Variants in ZBTB20 observed in about 807,000 individuals in gnomAD.
ZBTB20 encodes the protein zinc finger and BTB domain containing 20, also known as zinc finger and BTB domain-containing protein 20.
A neutral mutation model predicts 56.9 loss-of-function variants in ZBTB20; 9 were observed. The ratio of observed to expected loss-of-function variants is 0.16; its 90% CI spans 0.10 to 0.28. ZBTB20 has a LOEUF of 0.28. ZBTB20 is among the 10% of genes least tolerant of loss of function. The pLI, the probability that ZBTB20 is intolerant of heterozygous loss-of-function variation, is 1.00. For missense variants in ZBTB20, 655 were observed against 1,003.0 expected, an observed-to-expected ratio of 0.65 and a Z score of 4.69; for synonymous variants, 417 against 420.7, an observed-to-expected ratio of 0.99 and a Z score of 0.11.
At chr3:114,407,037 T>C (rs1171711858) in intron 7 of ZBTB20, among the ~76,000 whole-genome samples, 1 of 152,192 alleles carries the variant, frequency 6.6e-6, no homozygotes, top group African/African-American at 2.4e-5. Context: ...TGGTGAGAAC[T>C]GGCCTCATCC....
At chr3:114,767,671 A>T (rs2068877785) in intron 5 of ZBTB20, among the ~76,000 whole-genome samples, 1 of 151,998 alleles carries the variant, frequency 6.6e-6, no homozygotes. Flanking sequence ...AGGTAAAGCC[A>T]TTATAGAGGT....
intron 5 of ZBTB20, among the ~76,000 whole-genome samples, chr3:114,769,467 T>C (rs1354468633): frequency 6.7e-6 from 1 of 149,872 alleles, no homozygotes; most frequent in Non-Finnish European, 1.5e-5. Flanking sequence ...TATTTGCACC[T>C]GGTAAATAGA....
At chr3:114,372,517 A>T (rs1324824733) in intron 10 of ZBTB20, among the ~76,000 whole-genome samples, 1 of 152,200 alleles carries the variant, frequency 6.6e-6, no homozygotes, top group East Asian at 1.9e-4. Context: ...GGCTCCATGA[A>T]TGAACTTTTC....
intron 7 of ZBTB20, among the ~76,000 whole-genome samples, chr3:114,470,573 TAA>T (rs2109250131): frequency 6.6e-6 from 1 of 152,276 alleles, no homozygotes; most frequent in South Asian, 2.1e-4. Flanking sequence ...CTAATCTTCA[TAA>T]TAAGTCTACA....
intron 3 of ZBTB20, among the ~76,000 whole-genome samples, chr3:114,920,874 C>T (rs550997745): frequency 4.0e-5 from 6 of 151,760 alleles, no homozygotes; most frequent in South Asian, 2.1e-4. Flanking sequence ...AAAGAAGACT[C>T]GAATTTAAAA....
chr3:115,024,318 G>GGGAGAAACAT (rs1196845329), intron 2 of ZBTB20, among the ~76,000 whole-genome samples: 27 of 151,078 alleles, frequency 1.8e-4, no homozygotes, highest in African/African-American at 5.8e-4. Flanking sequence ...TGACACGGAA[G>GGGAGAAACAT]AGCTTACAAC....
At chr3:114,974,079 A>T (rs1362972488) in intron 3 of ZBTB20, among the ~76,000 whole-genome samples, 1 of 151,848 alleles carries the variant, frequency 6.6e-6, no homozygotes, top group Non-Finnish European at 1.5e-5. Flanking sequence ...AAAAAAAAAA[A>T]AGGAGGACAG....
At chr3:114,354,451 T>G (rs1438242536) in intron 10 of ZBTB20, among the ~76,000 whole-genome samples, 2 of 152,236 alleles carry the variant, frequency 1.3e-5, no homozygotes, top group Non-Finnish European at 2.9e-5. Flanking sequence ...AGTAGCCCTA[T>G]CACAATTATC....
chr3:114,648,406 T>A (rs1222037939), intron 6 of ZBTB20, among the ~76,000 whole-genome samples: 1 of 151,936 alleles, frequency 6.6e-6, no homozygotes, highest in African/African-American at 2.4e-5. Context: ...CGAGAAGACA[T>A]AATAATCTTT....
intron 4 of ZBTB20, among the ~76,000 whole-genome samples, chr3:114,894,061 C>A (rs1164082394): frequency 2.0e-5 from 3 of 152,064 alleles, no homozygotes; most frequent in Non-Finnish European, 4.4e-5. Flanking sequence ...AACACAAAAA[C>A]CTTAAATGTT....
intron 4 of ZBTB20, among the ~76,000 whole-genome samples, chr3:114,859,372 T>C (rs1368242310): frequency 7.3e-5 from 11 of 150,570 alleles, no homozygotes; most frequent in South Asian, 4.2e-4. Context: ...CTCCTTCCTT[T>C]CTTCCTTCCT....
chr3:114,760,460 A>G (rs780386179), intron 5 of ZBTB20, among the ~76,000 whole-genome samples: 22 of 152,186 alleles, frequency 1.4e-4, no homozygotes. Context: ...TAGAAGTACC[A>G]GTGGTGAGAA....
chr3:114,408,767 A>G (rs944911706), intron 7 of ZBTB20, among the ~76,000 whole-genome samples: 1 of 141,658 alleles, frequency 7.1e-6, no homozygotes, highest in African/African-American at 2.9e-5. Context: ...ACATTTATAT[A>G]CTTTTTCTTT....
At chr3:115,026,089 T>C (rs2080410766) in intron 2 of ZBTB20, among the ~76,000 whole-genome samples, 1 of 150,974 alleles carries the variant, frequency 6.6e-6, no homozygotes, top group Non-Finnish European at 1.5e-5. Context: ...CAACATTTAA[T>C]GAGAGACACT....
chr3:114,499,351 C>A (rs1270618168), intron 7 of ZBTB20, among the ~76,000 whole-genome samples: 2 of 152,182 alleles, frequency 1.3e-5, no homozygotes, highest in Admixed American at 6.5e-5. Flanking sequence ...TTGCCACTAT[C>A]TTCTAGGAAT....
At chr3:114,540,003 A>G (rs1274542203) in intron 6 of ZBTB20, among the ~76,000 whole-genome samples, 1 of 150,990 alleles carries the variant, frequency 6.6e-6, no homozygotes, top group Non-Finnish European at 1.5e-5. Flanking sequence ...AGATTATTTT[A>G]TCAATGAAGT....
chr3:114,702,940 G>C (rs2063485628), intron 5 of ZBTB20, among the ~76,000 whole-genome samples: 1 of 150,392 alleles, frequency 6.6e-6, no homozygotes, highest in African/African-American at 2.5e-5. Context: ...AAATTGAAAA[G>C]TATACTCCAT....
chr3:114,877,865 A>G (rs1372230128), intron 4 of ZBTB20, among the ~76,000 whole-genome samples: 1 of 152,126 alleles, frequency 6.6e-6, no homozygotes, highest in Non-Finnish European at 1.5e-5. Flanking sequence ...ATACAATTTA[A>G]CTGCTAGCTT....
chr3:114,549,295 G>T (rs2050266853), intron 6 of ZBTB20, among the ~76,000 whole-genome samples: 1 of 152,114 alleles, frequency 6.6e-6, no homozygotes, highest in East Asian at 1.9e-4. Flanking sequence ...CTTTAAGATG[G>T]ATTCAGTGTT....
Sources: gnomAD v4.1 joint callset for allele counts (sites outside exome capture counted in the v4.1 genomes callset) on GRCh38, gnomAD v4.1.1 for gene constraint, MANE v1.5 for transcripts, NCBI Gene and HGNC (gene_info 2026-07-23, HGNC 2026-07-21) for gene names.